Variants in AFF3 observed in about 807,000 individuals in gnomAD.
The protein encoded by AFF3 is ALF transcription elongation factor 3.
AFF3 carries 32 observed loss-of-function variants against 129.7 expected under a neutral mutation model. That is an observed-to-expected ratio of 0.25 (90% CI 0.19 to 0.33). The LOEUF (loss-of-function observed/expected upper bound fraction) is 0.33. Among genes scored for constraint, AFF3 ranks in the 10% least tolerant of loss-of-function variants. AFF3 has a pLI of 1.00. For missense variants in AFF3, 1,373 were observed against 1,592.0 expected (o/e 0.86, Z 2.34); for synonymous variants, 644 against 635.4 (o/e 1.01, Z -0.20).
chr2:99,917,909 C>A (rs1321623528), intron 7 of AFF3, among the ~76,000 whole-genome samples: 2 of 151,818 alleles, frequency 1.3e-5, no homozygotes, highest in Non-Finnish European at 2.9e-5. Flanking sequence ...TATTATATGG[C>A]CGTTATATAA....
intron 2 of AFF3, among the ~76,000 whole-genome samples, chr2:100,121,861 G>C (rs1691982444): frequency 1.3e-5 from 2 of 151,966 alleles, no homozygotes; most frequent in African/African-American, 4.8e-5. Flanking sequence ...AGGAGATCGA[G>C]ACCATCCTGG....
chr2:99,843,062 G>A (rs1020500937), intron 7 of AFF3, among the ~76,000 whole-genome samples: 4 of 152,154 alleles, frequency 2.6e-5, no homozygotes, highest in African/African-American at 9.7e-5. Flanking sequence ...AAACACTCCT[G>A]CAGAAATATT....
intron 21 of AFF3, among the ~76,000 whole-genome samples, chr2:99,559,631 G>A (rs1389475520): frequency 3.9e-5 from 6 of 152,168 alleles, no homozygotes; most frequent in Non-Finnish European, 7.3e-5. Flanking sequence ...CACAAAAGGC[G>A]TTTCTGAGAC....
intron 7 of AFF3, among the ~76,000 whole-genome samples, chr2:99,892,429 A>G (rs1025595563): frequency 3.3e-5 from 5 of 152,222 alleles, no homozygotes; most frequent in Non-Finnish European, 5.9e-5. Context: ...ATAACTCCAA[A>G]AGCAAAATTA....
chr2:100,051,321 G>A (rs973112505), intron 4 of AFF3, among the ~76,000 whole-genome samples: 5 of 152,238 alleles, frequency 3.3e-5, no homozygotes, highest in East Asian at 1.9e-4. Flanking sequence ...CCCACGCAAC[G>A]GCTCCCAGGA....
chr2:100,040,883 A>G (rs1685371567), intron 4 of AFF3, among the ~76,000 whole-genome samples: 1 of 152,222 alleles, frequency 6.6e-6, no homozygotes, highest in African/African-American at 2.4e-5. Flanking sequence ...GCCACAGGGC[A>G]TATCATCCAG....
At chr2:100,026,403 T>C (rs568809501) in intron 4 of AFF3, among the ~76,000 whole-genome samples, 3 of 152,216 alleles carry the variant, frequency 2.0e-5, no homozygotes, top group African/African-American at 7.2e-5. Flanking sequence ...AAACAGTAGA[T>C]GTTGGCATGG....
At chr2:100,022,724 A>G (rs937415554) in intron 4 of AFF3, among the ~76,000 whole-genome samples, 3 of 151,980 alleles carry the variant, frequency 2.0e-5, no homozygotes, top group Admixed American at 1.3e-4. Context: ...GTCTCTTTTT[A>G]TGTTTCCCAT....
At position 99,607,072 on chromosome 2, in the gene AFF3, TTCATGAAATG is replaced by T. The variant is rs1468975940; in HGVS notation, c.1185-5461_1185-5452del. On this transcript the variant is annotated intron_variant, in intron 13 of 24. Transcript: ENST00000672756. Reference sequence around the variant, plus strand: ...GTTTGTTTACTTTTTGCATTTTGACTTCATGAAATGTTTGGCTGGTTTTGTGAGTGGTCAG... The same window carrying T: ...GTTTGTTTACTTTTTGCATTTTGACTTTTGGCTGGTTTTGTGAGTGGTCAG... Among the ~76,000 whole-genome samples the T allele has an allele frequency of 2.0e-5, 3 of 152,226 alleles. No homozygotes were observed. The East Asian group carries it at 5.8e-4, about 29-fold the overall frequency.
At chr2:99,836,907 A>G (rs541685227) in intron 8 of AFF3, among the ~76,000 whole-genome samples, 1 of 152,328 alleles carries the variant, frequency 6.6e-6, no homozygotes, top group African/African-American at 2.4e-5. Flanking sequence ...ATGTGGTGGA[A>G]CAGCCCAACC....
chr2:100,045,420 G>A (rs974737593), intron 4 of AFF3, among the ~76,000 whole-genome samples: 1 of 152,156 alleles, frequency 6.6e-6, no homozygotes, highest in African/African-American at 2.4e-5. Context: ...CTCACCCTAT[G>A]TCAGATACTC....
chr2:99,853,114 TGAAA>T (rs540567021), intron 7 of AFF3, among the ~76,000 whole-genome samples: 3 of 152,196 alleles, frequency 2.0e-5, no homozygotes, highest in Non-Finnish European at 4.4e-5. Context: ...GAAAAGGCTC[TGAAA>T]GAAATGATGT....
chr2:99,961,536 T>C (rs891116289), intron 7 of AFF3, among the ~76,000 whole-genome samples: 2 of 152,196 alleles, frequency 1.3e-5, no homozygotes, highest in African/African-American at 4.8e-5. Flanking sequence ...TTTTAGAGAT[T>C]ATCTGTCTCT....
chr2:99,805,476 C>T (rs1056706564), intron 8 of AFF3, among the ~76,000 whole-genome samples: 1 of 152,050 alleles, frequency 6.6e-6, no homozygotes, highest in Non-Finnish European at 1.5e-5. Context: ...AAATAAAACA[C>T]AAAGAGAATA....
At chr2:99,924,877 ATT>A (rs113424483) in intron 7 of AFF3, among the ~76,000 whole-genome samples, 80 of 144,306 alleles carry the variant, frequency 5.5e-4, no homozygotes, top group Non-Finnish European at 7.9e-4. Flanking sequence ...TGATTTATTA[ATT>A]TTTTTTTTTT....
intron 7 of AFF3, among the ~76,000 whole-genome samples, chr2:99,852,755 G>A (rs974689376): frequency 3.3e-5 from 5 of 152,186 alleles, no homozygotes; most frequent in African/African-American, 9.7e-5. Flanking sequence ...TGATCATTAC[G>A]ATTCCTTTCA....
intron 7 of AFF3, among the ~76,000 whole-genome samples, chr2:99,992,329 GA>G (rs1175622775): frequency 7.9e-5 from 12 of 152,164 alleles, no homozygotes; most frequent in Non-Finnish European, 1.6e-4. Flanking sequence ...CACAGCTTAT[GA>G]AACTTTATCA....
rs58303232 is a variant in AFF3, at chr2:99,724,271, CTTTT to C, written c.1091+2802_1091+2805del. ...TCCTCACTTCAGTGGAATGACCTTTCTTTTTTTTTTTTTTTTTTTGAGACACAGT... is the reference window on the plus strand; with the variant it reads ...TCCTCACTTCAGTGGAATGACCTTTCTTTTTTTTTTTTTTTGAGACACAGT... On this transcript the variant is annotated intron_variant, in intron 11 of 24. Coordinates refer to ENST00000672756, the MANE Select transcript of AFF3 (RefSeq NM_001386135.1). Among the ~76,000 whole-genome samples the C allele has an allele frequency of 4.5e-3, 298 of 66,860 alleles. 9 individuals carry two copies. Among genetic ancestry groups the C allele is most frequent in the Non-Finnish European group, 5.9e-3 (234 of 39,770 alleles). 43.9% of individuals were successfully genotyped at this position (66,860 alleles called of 152,430 possible).
At chr2:99,816,584 T>C (rs953347265) in intron 8 of AFF3, among the ~76,000 whole-genome samples, 1 of 152,146 alleles carries the variant, frequency 6.6e-6, no homozygotes, top group African/African-American at 2.4e-5. Context: ...GCTATGAGTG[T>C]CCCTCCTTGG....
Sources: allele counts gnomAD v4.1 joint callset (sites outside exome capture counted in the v4.1 genomes callset), GRCh38; gene constraint gnomAD v4.1.1; transcripts MANE v1.5; gene names NCBI Gene and HGNC (gene_info 2026-07-23, HGNC 2026-07-21).